MYOM1: variants seen among roughly 807,000 people sequenced by gnomAD.
MYOM1 encodes the protein myomesin-1.
A neutral mutation model predicts 205.3 loss-of-function variants in MYOM1; 164 were observed. The observed-to-expected ratio is 0.80, with a 90% CI of 0.70 to 0.91. The LOEUF is 0.91. Ranked by LOEUF, MYOM1 falls within the 40% of genes least tolerant of loss-of-function variation. The probability of loss-of-function intolerance (pLI) is 0.00; values close to 1 mark genes in which losing one functional copy is unlikely to be tolerated. For missense variants in MYOM1, 2,011 were observed against 2,127.3 expected (o/e 0.95, Z 1.08); for synonymous variants, 772 against 789.4 (o/e 0.98, Z 0.37).
intron 25 of MYOM1, among the ~76,000 whole-genome samples, chr18:3,096,208 G>A (rs1442184681): frequency 6.6e-6 from 1 of 152,142 alleles, no homozygotes; most frequent in Non-Finnish European, 1.5e-5. Context: ...GACCACCTGG[G>A]TTTAACCAGC....
intron 12 of MYOM1, among the ~76,000 whole-genome samples, chr18:3,150,991 TTTTTTTTTTCA>T (rs2080211744): frequency 6.7e-6 from 1 of 149,804 alleles, no homozygotes; most frequent in African/African-American, 2.5e-5. Flanking sequence ...TTTTTTTTTT[TTTTTTTTTTCA>T]TTTTTTTCAT....
chr18:3,242,516 T>G, the MYOM1 span, among the ~76,000 whole-genome samples: 1 of 152,280 alleles, frequency 6.6e-6, no homozygotes, highest in East Asian at 1.9e-4. Flanking sequence ...GTATGTCTTT[T>G]TTTCTTTTCT....
chr18:3,179,982 C>T lies in MYOM1; in HGVS notation c.930-3848G>A, dbSNP rs2080705247. Among the ~76,000 whole-genome samples the T allele has an allele frequency of 6.6e-6, 1 of 152,050 alleles. No homozygotes were observed. The highest frequency in any genetic ancestry group is 1.5e-5 in the Non-Finnish European group (1 of 68,014). On this transcript the variant is annotated intron_variant, in intron 5 of 37. Coordinates refer to ENST00000356443, the MANE Select transcript of MYOM1 (RefSeq NM_003803.4). This position sits in a 1 kb window ranked among gnomAD's most constrained non-coding sequence, Gnocchi z 4.4. ...TTCGGATCAAAAGTATTGCTCATATCTCTATAAAATTTTCATTACAAAGTA... is the reference window on the plus strand; with the variant it reads ...TTCGGATCAAAAGTATTGCTCATATTTCTATAAAATTTTCATTACAAAGTA...
the MYOM1 span, among the ~76,000 whole-genome samples, chr18:3,240,470 T>C: frequency 6.6e-6 from 1 of 152,188 alleles, no homozygotes; most frequent in Non-Finnish European, 1.5e-5. Context: ...CCTGCACAAG[T>C]TTTTCTTCTC....
chr18:3,094,122 T>G, intron 26 of MYOM1, 48 bp downstream of exon 26: 2 of 1,593,166 alleles, frequency 1.3e-6, no homozygotes, highest in Non-Finnish European at 1.7e-6. Context: ...GCTTCCTCAG[T>G]GTATTCTACA....
intron 1 of MYOM1, among the ~76,000 whole-genome samples, chr18:3,217,545 G>A (rs1201003446): frequency 1.3e-5 from 2 of 152,166 alleles, no homozygotes; most frequent in Non-Finnish European, 2.9e-5. Flanking sequence ...CATGACTCTG[G>A]AGTGCAGGAG....
rs555225718 is a variant in MYOM1, at chr18:3,142,278, G to T, written c.1901-215C>A. 1.2e-4 allele frequency among the ~76,000 whole-genome samples: 18 copies of T among 150,990 alleles called. No homozygotes were observed. In the South Asian group the frequency reaches 2.3e-3, roughly 19 times the overall value. ...GCTGTTGTTTTGGTTTTTTTTGGAG[G>T]GGGGGAAGGGTTTCACTCTATCACC... On this transcript the variant is annotated intron_variant, in intron 13 of 37. Transcript: ENST00000356443.
chr18:3,126,805 C>T lies in MYOM1; in HGVS notation c.2887G>A (p.Ala963Thr), dbSNP rs780452717. ...GWKQPDKIGGAEITGYYVNYR... is the reference protein window; with the variant it reads ...GWKQPDKIGGTEITGYYVNYR... The stretch of plus-strand genomic sequence containing the variant: ...TTCACATAATAGCCAGTAATTTCTG[C>T]CCCTCCAATCTTATCTGGTTGCTTC... The change falls in exon 19 of 38, where the codon GCA becomes ACA. Residue 963 changes from alanine to threonine, a missense_variant. Coordinates refer to ENST00000356443, the MANE Select transcript of MYOM1 (RefSeq NM_003803.4). The T allele has an allele frequency of 1.1e-5, 17 of 1,613,646 alleles. No homozygotes were observed. The African/African-American group carries it at 1.1e-4, about 10-fold the overall frequency.
At chr18:3,138,877 G>C (rs141648463) in intron 14 of MYOM1, among the ~76,000 whole-genome samples, 1 of 152,142 alleles carries the variant, frequency 6.6e-6, no homozygotes, top group Non-Finnish European at 1.5e-5. Flanking sequence ...TTGGATTTAC[G>C]CACCTGAACC....
At chr18:3,134,368 C>A (rs1421134768) in intron 16 of MYOM1, among the ~76,000 whole-genome samples, 1 of 151,922 alleles carries the variant, frequency 6.6e-6, no homozygotes. Context: ...TACAGGCCTG[C>A]CACTGCCTTG....
upstream of MYOM1, among the ~76,000 whole-genome samples, chr18:3,224,361 A>C (rs1377741415): frequency 1.3e-5 from 2 of 152,216 alleles, no homozygotes; most frequent in Non-Finnish European, 2.9e-5. Flanking sequence ...GTATCTGGGC[A>C]ATGGCAAAAT....
intron 16 of MYOM1, 81 bp downstream of exon 16, chr18:3,134,569 C>T: frequency 2.1e-6 from 3 of 1,417,218 alleles, no homozygotes; most frequent in Non-Finnish European, 1.9e-6. Context: ...AAAAAATCTC[C>T]TCCATTGGAT....
intron 9 of MYOM1, among the ~76,000 whole-genome samples, chr18:3,167,013 A>T (rs1165986304): frequency 6.6e-6 from 1 of 152,240 alleles, no homozygotes; most frequent in East Asian, 1.9e-4. Context: ...AGGAGCTAGC[A>T]TGGGCCTCGC....
chr18:3,216,917 G>C (rs2081274934), intron 1 of MYOM1: 1 of 152,180 alleles, frequency 6.6e-6, no homozygotes, highest in African/African-American at 2.4e-5. Flanking sequence ...TGGAGATAGG[G>C]TCCTTAAAGA....
intron 18 of MYOM1, among the ~76,000 whole-genome samples, chr18:3,128,680 T>C (rs940525381): frequency 6.6e-6 from 1 of 152,218 alleles, no homozygotes; most frequent in Non-Finnish European, 1.5e-5. Context: ...TAGAAATTTT[T>C]AATCTTTTTA....
intron 37 of MYOM1, 116 bp from the exon 38 acceptor site, chr18:3,067,671 C>T (rs2078913137): frequency 9.0e-7 from 1 of 1,115,780 alleles, no homozygotes; most frequent in Non-Finnish European, 1.3e-6. Context: ...GTAAAAGCCT[C>T]CCGGACCAGG....
chr18:3,170,494 G>C (rs1039726256), intron 8 of MYOM1, among the ~76,000 whole-genome samples: 2 of 152,180 alleles, frequency 1.3e-5, no homozygotes, highest in Non-Finnish European at 2.9e-5. Context: ...AATGATCTGA[G>C]TGATAAATAT....
Position 3,119,960 on chromosome 18 carries a change from G to A in MYOM1, c.3027C>T (p.Phe1009=), listed in dbSNP as rs2079662428. The A allele has an allele frequency of 1.2e-6, 2 of 1,608,532 alleles. No individual in the cohort carries two copies. Among genetic ancestry groups the A allele is most frequent in the African/African-American group, 1.3e-5 (1 of 74,924 alleles). The part of the protein sequence containing the change: ...SNLKENMVYQ[F]QVAAMNMAGL... The stretch of plus-strand genomic sequence containing the variant: ...CAGCCATGTTCATGGCTGCCACTTG[G>A]AACTGATACACCATGTTTTCCTTCA... The change falls in exon 20 of 38, where the codon TTC becomes TTT. Residue 1009 remains phenylalanine, a synonymous_variant. Coordinates refer to ENST00000356443, the MANE Select transcript of MYOM1 (RefSeq NM_003803.4).
intron 14 of MYOM1, among the ~76,000 whole-genome samples, chr18:3,136,194 T>G (rs189731292): frequency 6.6e-6 from 1 of 152,180 alleles, no homozygotes; most frequent in East Asian, 1.9e-4. Flanking sequence ...CCCAGCCACA[T>G]GGAACTGTGA....
Sources: allele counts gnomAD v4.1 joint callset (sites outside exome capture counted in the v4.1 genomes callset), GRCh38; gene constraint gnomAD v4.1.1; non-coding constraint Gnocchi (gnomAD v3.1); transcripts MANE v1.5; gene names NCBI Gene and HGNC (gene_info 2026-07-23, HGNC 2026-07-21).